Variants in SEZ6L observed in about 807,000 individuals in gnomAD.
The protein encoded by SEZ6L is seizure 6-like protein.
SEZ6L carries 37 observed loss-of-function variants against 106.2 expected under a neutral mutation model. That is an observed-to-expected ratio of 0.35 (90% confidence interval 0.27 to 0.46). SEZ6L has a LOEUF of 0.46. Ranked by LOEUF, SEZ6L falls within the 20% of genes least tolerant of loss-of-function variation. SEZ6L has a pLI of 1.00. For synonymous variants in SEZ6L, 541 were observed against 570.4 expected (o/e 0.95, Z 0.73); for missense variants, 1,172 against 1,332.8 (o/e 0.88, Z 1.88).
intron 10 of SEZ6L, among the ~76,000 whole-genome samples, chr22:26,344,085 A>G (rs1191343812): frequency 3.9e-5 from 6 of 152,370 alleles, no homozygotes; most frequent in Admixed American, 3.9e-4. Context: ...ATAGTAGGTC[A>G]GGGGTTCCTG....
At chr22:26,315,083 A>G (rs2081959672) in intron 9 of SEZ6L, among the ~76,000 whole-genome samples, 1 of 152,256 alleles carries the variant, frequency 6.6e-6, no homozygotes, top group South Asian at 2.1e-4. Context: ...CTGGGGAAGC[A>G]GCACTCACAG....
At chr22:26,221,725 C>T (rs1049440555) in intron 1 of SEZ6L, among the ~76,000 whole-genome samples, 3 of 140,384 alleles carry the variant, frequency 2.1e-5, no homozygotes, top group Admixed American at 7.7e-5. Context: ...TGAATTCATG[C>T]GCGTGCACAC....
At chr22:26,366,289 G>A (rs749814038) in intron 13 of SEZ6L, among the ~76,000 whole-genome samples, 4 of 151,592 alleles carry the variant, frequency 2.6e-5, no homozygotes, top group Non-Finnish European at 5.9e-5. Context: ...AGCCGAGGTG[G>A]CTCCACTGCA....
chr22:26,186,934 G>A (rs1228837212), intron 1 of SEZ6L, among the ~76,000 whole-genome samples: 1 of 152,108 alleles, frequency 6.6e-6, no homozygotes, highest in Non-Finnish European at 1.5e-5. Context: ...GAAAATGGGA[G>A]CATTAAAGAC....
At chr22:26,246,490 A>G (rs1004419412) in intron 1 of SEZ6L, among the ~76,000 whole-genome samples, 1 of 152,006 alleles carries the variant, frequency 6.6e-6, no homozygotes, top group Non-Finnish European at 1.5e-5. Context: ...CAACTCTCTC[A>G]TATTCGTCTC....
intron 1 of SEZ6L, among the ~76,000 whole-genome samples, chr22:26,289,977 A>G (rs2145876679): frequency 6.6e-6 from 1 of 152,322 alleles, no homozygotes; most frequent in South Asian, 2.1e-4. Context: ...GACAAGAGTA[A>G]AAACCATGAC....
At chr22:26,236,259 C>T (rs187490554) in intron 1 of SEZ6L, among the ~76,000 whole-genome samples, 12 of 152,292 alleles carry the variant, frequency 7.9e-5, no homozygotes, top group East Asian at 7.7e-4. Flanking sequence ...TCTGGAGATT[C>T]GGCATGGCCA....
At chr22:26,361,269 G>T (rs1473271259) in intron 12 of SEZ6L, among the ~76,000 whole-genome samples, 1 of 151,008 alleles carries the variant, frequency 6.6e-6, no homozygotes, top group Non-Finnish European at 1.5e-5. Flanking sequence ...AGGCTGAGGC[G>T]GATGGATCAC....
At chr22:26,312,946 C>T (rs1453512936) in intron 8 of SEZ6L, among the ~76,000 whole-genome samples, 2 of 152,176 alleles carry the variant, frequency 1.3e-5, no homozygotes, top group African/African-American at 2.4e-5. Flanking sequence ...TGAAAGGTGC[C>T]CTCACTCCTG....
At chr22:26,279,080 T>G (rs2080669005) in intron 1 of SEZ6L, among the ~76,000 whole-genome samples, 1 of 151,974 alleles carries the variant, frequency 6.6e-6, no homozygotes, top group Non-Finnish European at 1.5e-5. Flanking sequence ...GTTGAATGAC[T>G]CCCCAGTGCC....
At chr22:26,331,707 G>A (rs960700605) in intron 9 of SEZ6L, among the ~76,000 whole-genome samples, 1 of 152,248 alleles carries the variant, frequency 6.6e-6, no homozygotes, top group Non-Finnish European at 1.5e-5. Context: ...GTCTGGGCCA[G>A]GCGTGGTGGC....
chr22:26,369,502 G>A (rs1223900837), intron 13 of SEZ6L, among the ~76,000 whole-genome samples: 4 of 151,060 alleles, frequency 2.6e-5, no homozygotes, highest in Non-Finnish European at 5.9e-5. Flanking sequence ...CACCACACCC[G>A]GCTAATTTTT....
chr22:26,235,878 T>A (rs2078942498), intron 1 of SEZ6L, among the ~76,000 whole-genome samples: 2 of 152,080 alleles, frequency 1.3e-5, no homozygotes, highest in Non-Finnish European at 2.9e-5. Flanking sequence ...AAAGAAGGAA[T>A]ATGATCAGAT....
chr22:26,259,848 T>C (rs2079942482), intron 1 of SEZ6L, among the ~76,000 whole-genome samples: 1 of 152,182 alleles, frequency 6.6e-6, no homozygotes, highest in African/African-American at 2.4e-5. Flanking sequence ...ATGAAAAGCT[T>C]GTGATTTATG....
At chr22:26,369,018 G>A (rs2083913097) in intron 13 of SEZ6L, among the ~76,000 whole-genome samples, 1 of 152,122 alleles carries the variant, frequency 6.6e-6, no homozygotes, top group African/African-American at 2.4e-5. Flanking sequence ...ACACATTCCC[G>A]AATCTAACCC....
chr22:26,196,517 C>G (rs1440043282), intron 1 of SEZ6L, among the ~76,000 whole-genome samples: 2 of 152,172 alleles, frequency 1.3e-5, no homozygotes, highest in Non-Finnish European at 2.9e-5. Flanking sequence ...AGTCAGGCTC[C>G]AGAACACACA....
At chr22:26,196,471 G>A (rs1940587728) in intron 1 of SEZ6L, among the ~76,000 whole-genome samples, 1 of 152,184 alleles carries the variant, frequency 6.6e-6, no homozygotes, top group Non-Finnish European at 1.5e-5. Flanking sequence ...CATGGCAAAT[G>A]AGGGCAAGCC....
At chr22:26,227,070 A>T (rs773818201) in intron 1 of SEZ6L, among the ~76,000 whole-genome samples, 1 of 152,174 alleles carries the variant, frequency 6.6e-6, no homozygotes, top group Non-Finnish European at 1.5e-5. Flanking sequence ...TACAAGCTCC[A>T]TGAACATGTG....
At chr22:26,306,778 C>A (rs2081644797) in intron 6 of SEZ6L, among the ~76,000 whole-genome samples, 2 of 152,136 alleles carry the variant, frequency 1.3e-5, no homozygotes, top group Admixed American at 6.5e-5. Flanking sequence ...CTGAAATATT[C>A]TGGTATCTTA....
Sources: allele counts gnomAD v4.1 joint callset (sites outside exome capture counted in the v4.1 genomes callset), GRCh38; gene constraint gnomAD v4.1.1; transcripts MANE v1.5; gene names NCBI Gene and HGNC (gene_info 2026-07-23, HGNC 2026-07-21).